PPP1R36: variants seen among roughly 807,000 people sequenced by gnomAD.
PPP1R36 encodes the protein chromosome 14 open reading frame 50.
PPP1R36 carries 47 observed loss-of-function variants against 53.4 expected under a neutral mutation model. The ratio of observed to expected loss-of-function variants is 0.88; its 90% CI spans 0.70 to 1.12. The LOEUF (loss-of-function observed/expected upper bound fraction) is 1.12, where lower values mean the gene tolerates loss of function less well. PPP1R36 is among the 50% of genes most tolerant of loss of function. The pLI is 0.00. For missense variants in PPP1R36, 456 were observed against 513.9 expected (o/e 0.89, Z 1.09); for synonymous variants, 153 against 170.5 (o/e 0.90, Z 0.80).
intron 3 of PPP1R36, among the ~76,000 whole-genome samples, chr14:64,557,002 G>C (rs2080160710): frequency 6.7e-6 from 1 of 148,678 alleles, no homozygotes; most frequent in South Asian, 2.1e-4. Flanking sequence ...ACCATGCCCA[G>C]CTAATTTTTC....
intron 3 of PPP1R36, among the ~76,000 whole-genome samples, chr14:64,555,793 G>A (rs2080145131): frequency 6.6e-6 from 1 of 152,116 alleles, no homozygotes; most frequent in South Asian, 2.1e-4. Context: ...GCAAGTAACT[G>A]TTAACATCTT....
Position 64,588,106 on chromosome 14 carries a change from G to A in PPP1R36, c.893G>A (p.Arg298Lys). 1 of 1,597,428 alleles carries A rather than the reference G, an allele frequency of 6.3e-7. No homozygotes were observed. Residue 298 changes from arginine to lysine, a missense_variant and splice_region_variant, in exon 11 of 12, where the codon AGA becomes AAA. Coordinates refer to ENST00000298705, the MANE Select transcript of PPP1R36 (RefSeq NM_172365.3). ...AATGTCACCTTCCTCCCCGACAGGA[G>A]AATGATGGCAAAACGCCCAGCAATT... ...KKRMTFVQFRRMMAKRPAIKK... is the reference protein window; with the variant it reads ...KKRMTFVQFRKMMAKRPAIKK...
At chr14:64,559,682 G>A (rs78083958) in intron 3 of PPP1R36, among the ~76,000 whole-genome samples, 4,201 of 152,310 alleles carry the variant, frequency 0.028, 181 homozygotes, top group African/African-American at 0.095. Context: ...TGGGTATATG[G>A]TCCCAGACAA....
At chr14:64,554,153 T>G (rs898396625) in intron 3 of PPP1R36, among the ~76,000 whole-genome samples, 1 of 142,466 alleles carries the variant, frequency 7.0e-6, no homozygotes, top group Non-Finnish European at 1.5e-5. Context: ...TTTTTTTTTT[T>G]TTTTTTTTTT....
In PPP1R36 at chr14:64,587,142, G is replaced by A; in HGVS notation, c.712-52G>A. The A allele has an allele frequency of 2.8e-6, 4 of 1,411,432 alleles. No individual in the cohort carries two copies. In the South Asian group the frequency reaches 5.2e-5, roughly 18 times the overall value. 87.4% of individuals were successfully genotyped at this position (1,411,432 alleles called of 1,614,324 possible). On this transcript the variant is annotated intron_variant, in intron 9 of 11. Transcript: ENST00000298705. Reference sequence around the variant, plus strand: ...AGCTGTGTTATACAGACAGGTAAGAGTTTTCCATTTCACAGCTAAGGATCG... The same window carrying A: ...AGCTGTGTTATACAGACAGGTAAGAATTTTCCATTTCACAGCTAAGGATCG...
At chr14:64,561,852 T>C (rs1156681033) in intron 3 of PPP1R36, 1 of 455,784 alleles carries the variant, frequency 2.2e-6, no homozygotes, top group Admixed American at 2.4e-5. Flanking sequence ...GGTCATGGAC[T>C]CCCCTGAGGA....
intron 7 of PPP1R36, 138 bp downstream of exon 7, chr14:64,568,585 C>G (rs2080279377): frequency 2.2e-6 from 1 of 447,214 alleles, no homozygotes; most frequent in East Asian, 3.4e-5. Flanking sequence ...AAGAGTGTGT[C>G]AGTTTTTAAA....
intron 3 of PPP1R36, among the ~76,000 whole-genome samples, chr14:64,563,942 A>G (rs927646346): frequency 6.6e-6 from 1 of 152,146 alleles, no homozygotes; most frequent in Non-Finnish European, 1.5e-5. Context: ...TTCTGTTAGC[A>G]TTTGCTGAGA....
chr14:64,576,116 G>A (rs563126929), intron 8 of PPP1R36, among the ~76,000 whole-genome samples: 86 of 105,568 alleles, frequency 8.1e-4, no homozygotes, highest in Non-Finnish European at 1.2e-3. Context: ...TCTCGCTCTT[G>A]TCCCCATAGG....
In PPP1R36 at chr14:64,552,865, AGT is replaced by A; in HGVS notation, c.182+8_182+9del. ...GGCTCCTGAAACATCACCCTCAGTG[AGT>A]GTGAGACAGACAGTGAGATAGCTTT... On this transcript the variant is annotated splice_donor_5th_base_variant and intron_variant, in intron 3 of 11. Coordinates refer to ENST00000298705, the MANE Select transcript of PPP1R36 (RefSeq NM_172365.3). 1.2e-6 allele frequency: 2 copies of A among 1,611,596 alleles called. No individual in the cohort carries two copies. Among genetic ancestry groups the A allele is most frequent in the Non-Finnish European group, 1.7e-6 (2 of 1,177,782 alleles).
At chr14:64,565,530 C>G in intron 5 of PPP1R36, 76 bp downstream of exon 5, 1 of 1,419,636 alleles carries the variant, frequency 7.0e-7, no homozygotes, top group South Asian at 1.2e-5. Context: ...TAAACATCCG[C>G]CCATCTACAT....
In PPP1R36 at chr14:64,588,222, C is replaced by A; in HGVS notation, c.1009C>A (p.His337Asn). 6.2e-7 allele frequency: 1 copy of A among 1,614,142 alleles called. No individual in the cohort carries two copies. ...KAQNVFEKKY[H>N]QVDVRFPAEM... ...TCAAAACGTCTTTGAGAAAAAGTATCATCAAGTAGACGTCAGATTCCCAGC... is the reference window on the plus strand; with the variant it reads ...TCAAAACGTCTTTGAGAAAAAGTATAATCAAGTAGACGTCAGATTCCCAGC... Residue 337 changes from histidine to asparagine, a missense_variant, in exon 11 of 12, where the codon CAT (histidine) becomes AAT (asparagine). Coordinates refer to ENST00000298705, the MANE Select transcript of PPP1R36 (RefSeq NM_172365.3).
chr14:64,587,385 G>A lies in PPP1R36; in HGVS notation c.890+13G>A. 1 of 1,491,026 alleles carries A rather than the reference G, an allele frequency of 6.7e-7. No homozygotes were observed. Among genetic ancestry groups the A allele is most frequent in the Non-Finnish European group, 9.0e-7 (1 of 1,108,372 alleles). The allele number at this position is 1,491,026 out of a possible 1,614,324, so 92.4% of individuals were successfully genotyped here. On this transcript the variant is annotated intron_variant, in intron 10 of 11. Transcript: ENST00000298705. ...TTGTTCAGTTCAGGTATGACCTTTT[G>A]ACTTTCCTATGCTCAGGGGTATTTC...
At position 64,554,590 on chromosome 14, in the gene PPP1R36, T is replaced by C. The variant is rs76697931; in HGVS notation, c.182+1729T>C. Among the ~76,000 whole-genome samples the C allele has an allele frequency of 2.8e-4, 43 of 152,306 alleles. 2 individuals are homozygous for C. The East Asian group carries it at 7.5e-3, about 27-fold the overall frequency. On this transcript the variant is annotated intron_variant, in intron 3 of 11. Coordinates refer to ENST00000298705, the MANE Select transcript of PPP1R36 (RefSeq NM_172365.3). ...TCAGAGACAGTGCTACTGGAGACTTTTGTTACTCCAGTTGGTGGTGAAGAG... is the reference window on the plus strand; with the variant it reads ...TCAGAGACAGTGCTACTGGAGACTTCTGTTACTCCAGTTGGTGGTGAAGAG...
intron 8 of PPP1R36, among the ~76,000 whole-genome samples, chr14:64,584,677 G>T (rs1013358340): frequency 9.8e-5 from 15 of 152,344 alleles, no homozygotes; most frequent in South Asian, 8.3e-4. Flanking sequence ...ACAGGCCCGA[G>T]TTTTAGTACA....
intron 8 of PPP1R36, 157 bp from the exon 9 acceptor site, chr14:64,586,680 T>C (rs915882468): frequency 1.8e-6 from 1 of 549,190 alleles, no homozygotes; most frequent in Non-Finnish European, 3.3e-6. Context: ...TAAGAAAGTA[T>C]TGAGACTCTT....
Position 64,550,911 on chromosome 14 carries a change from C to A in PPP1R36, c.70-10C>A. 6.3e-7 allele frequency: 1 copy of A among 1,597,160 alleles called. No homozygotes were observed. Among genetic ancestry groups the A allele is most frequent in the East Asian group, 2.2e-5 (1 of 44,722 alleles). ...TTAATTATTTTTGCTGCAATCATTT[C>A]GTTTTACAGCAGTTGGGATTACGAT... On this transcript the variant is annotated splice_polypyrimidine_tract_variant and intron_variant, in intron 1 of 11. Coordinates refer to ENST00000298705, the MANE Select transcript of PPP1R36 (RefSeq NM_172365.3).
chr14:64,584,026 C>T (rs192061061), intron 8 of PPP1R36, among the ~76,000 whole-genome samples: 1 of 151,288 alleles, frequency 6.6e-6, no homozygotes, highest in Admixed American at 6.6e-5. Context: ...CTCAGCCTCC[C>T]GAGTAGCTGG....
At chr14:64,574,401 A>G in intron 7 of PPP1R36, 54 bp from the exon 8 acceptor site, 1 of 1,539,538 alleles carries the variant, frequency 6.5e-7, no homozygotes, top group South Asian at 1.2e-5. Flanking sequence ...GCTAGTTAAT[A>G]TAGGCACTTA....
Sources: allele counts gnomAD v4.1 joint callset (sites outside exome capture counted in the v4.1 genomes callset), GRCh38; gene constraint gnomAD v4.1.1; transcripts MANE v1.5; gene names NCBI Gene and HGNC (gene_info 2026-07-23, HGNC 2026-07-21).